Variants in EPB41L5 observed in about 807,000 individuals in gnomAD.
EPB41L5 encodes the protein erythrocyte membrane protein band 4.1 like 5.
Under a neutral mutation model 106.6 loss-of-function variants are expected in EPB41L5, and 55 were observed. The ratio of observed to expected loss-of-function variants is 0.52; its 90% CI spans 0.42 to 0.65. The LOEUF (loss-of-function observed/expected upper bound fraction) is 0.65, where lower values mean the gene tolerates loss of function less well. EPB41L5 is among the 30% of genes least tolerant of loss of function. The pLI, the probability that EPB41L5 is intolerant of heterozygous loss-of-function variation, is 0.00. For missense variants in EPB41L5, 871 were observed against 882.1 expected (o/e 0.99, Z 0.16); for synonymous variants, 297 against 306.7 (o/e 0.97, Z 0.33).
chr2:120,099,890 G>C (rs1684028217), intron 14 of EPB41L5, among the ~76,000 whole-genome samples: 2 of 152,224 alleles, frequency 1.3e-5, no homozygotes, highest in Admixed American at 1.3e-4. Flanking sequence ...TACAAAAGAA[G>C]TGACAGATAA....
chr2:120,103,036 T>A (rs1476425812), intron 16 of EPB41L5, among the ~76,000 whole-genome samples: 1 of 152,226 alleles, frequency 6.6e-6, no homozygotes, highest in Non-Finnish European at 1.5e-5. Context: ...GATTTTGTTA[T>A]TAAAAAAGCC....
chr2:120,125,839 A>G (rs537518808), intron 16 of EPB41L5, among the ~76,000 whole-genome samples: 2 of 152,254 alleles, frequency 1.3e-5, no homozygotes, highest in East Asian at 1.9e-4. Flanking sequence ...ACTTTGTCTC[A>G]GTAAGATGTT....
chr2:120,172,346 T>C (rs1310902769), intron 24 of EPB41L5, among the ~76,000 whole-genome samples: 1 of 152,190 alleles, frequency 6.6e-6, no homozygotes, highest in Non-Finnish European at 1.5e-5. Context: ...AGGAGCATCA[T>C]GAATCTTTAG....
chr2:120,159,434 A>AT (rs1687047241), intron 20 of EPB41L5, among the ~76,000 whole-genome samples: 1 of 150,874 alleles, frequency 6.6e-6, no homozygotes, highest in Admixed American at 6.6e-5. Context: ...AAAAAAAAAA[A>AT]AAAAAAAAAG....
intron 3 of EPB41L5, among the ~76,000 whole-genome samples, chr2:120,061,363 C>G (rs1332431211): frequency 2.5e-4 from 37 of 149,988 alleles, no homozygotes; most frequent in African/African-American, 8.8e-4. Context: ...GCTGGGACTA[C>G]AGGCGCCCGC....
intron 3 of EPB41L5, among the ~76,000 whole-genome samples, chr2:120,062,810 ATTTCTAGAGACTG>A (rs1360542155): frequency 2.0e-5 from 3 of 150,180 alleles, no homozygotes; most frequent in African/African-American, 7.3e-5. Context: ...AGGTCTAGTG[ATTTCTAGAGACTG>A]GATTTGAATT....
chr2:120,151,297 C>G (rs920364359), intron 20 of EPB41L5, among the ~76,000 whole-genome samples: 6 of 151,454 alleles, frequency 4.0e-5, no homozygotes, highest in African/African-American at 1.5e-4. Context: ...GAGACTCCAT[C>G]TCAAAAAATA....
chr2:120,079,438 CCCCTAGGCACT>C (rs561147672), intron 10 of EPB41L5, among the ~76,000 whole-genome samples: 183 of 152,264 alleles, frequency 1.2e-3, no homozygotes, highest in African/African-American at 4.2e-3. Flanking sequence ...TGAATGCCAT[CCCCTAGGCACT>C]TAAGCCCCCT....
Position 120,077,257 on chromosome 2 carries a change from A to G in EPB41L5, c.655A>G (p.Asn219Asp). 6.2e-7 allele frequency: 1 copy of G among 1,611,416 alleles called. No homozygotes were observed. The highest frequency in any genetic ancestry group is 8.5e-7 in the Non-Finnish European group (1 of 1,178,296). ...RGQTPAQAET[N>D]YLNKAKWLEM... ...TCAAACACCAGCACAGGCTGAAACC[A>G]ATTATCTGAATAAAGCCAAATGGCT... The change falls in exon 9 of 25, where the codon AAT becomes GAT. Residue 219 changes from asparagine to aspartate, a missense_variant. Coordinates refer to ENST00000263713, the MANE Select transcript of EPB41L5 (RefSeq NM_020909.4).
intron 10 of EPB41L5, among the ~76,000 whole-genome samples, chr2:120,078,861 C>T (rs1682434591): frequency 6.6e-6 from 1 of 152,082 alleles, no homozygotes; most frequent in Admixed American, 6.6e-5. Context: ...TTCACATGGG[C>T]ACTTTCTCCC....
In EPB41L5 at chr2:120,153,204, T is replaced by A. The variant is rs188792607; in HGVS notation, c.1793+6915T>A. Among the ~76,000 whole-genome samples the A allele has an allele frequency of 5.9e-5, 9 of 152,274 alleles. No homozygotes were observed. In the East Asian group the frequency reaches 1.7e-3, roughly 29 times the overall value. On this transcript the variant is annotated intron_variant, in intron 20 of 24. Transcript: ENST00000263713. The stretch of plus-strand genomic sequence containing the variant: ...AATATTTTGGTATTTTTTTCATTCA[T>A]CTCAAATTATTTTCTAATTTCCCTT...
intron 2 of EPB41L5, among the ~76,000 whole-genome samples, chr2:120,036,413 G>T (rs910034525): frequency 3.3e-5 from 5 of 152,164 alleles, no homozygotes; most frequent in African/African-American, 9.7e-5. Flanking sequence ...GCTAAATGTT[G>T]CTGATACAGA....
chr2:120,146,325 C>T (rs1686402794), intron 20 of EPB41L5, 36 bp downstream of exon 20: 4 of 1,457,742 alleles, frequency 2.7e-6, no homozygotes, highest in Non-Finnish European at 3.8e-6. Context: ...AATTGATGTT[C>T]TTATCTATCT....
chr2:120,025,689 G>T (rs901900794), intron 2 of EPB41L5, among the ~76,000 whole-genome samples: 1 of 152,154 alleles, frequency 6.6e-6, no homozygotes, highest in Admixed American at 6.6e-5. Flanking sequence ...GAAGACTTAA[G>T]GTTGGTAGGA....
intron 16 of EPB41L5, among the ~76,000 whole-genome samples, chr2:120,115,245 T>C (rs564027122): frequency 6.6e-6 from 1 of 152,366 alleles, no homozygotes; most frequent in South Asian, 2.1e-4. Context: ...GTTTAACATT[T>C]ACATTCAGTG....
intron 21 of EPB41L5, among the ~76,000 whole-genome samples, chr2:120,163,392 C>G (rs146762898): frequency 6.6e-6 from 1 of 151,872 alleles, no homozygotes; most frequent in African/African-American, 2.4e-5. Flanking sequence ...TTCTCCCAGA[C>G]CCCCTCCCTC....
chr2:120,148,005 G>A (rs1403415854), intron 20 of EPB41L5, among the ~76,000 whole-genome samples: 1 of 151,554 alleles, frequency 6.6e-6, no homozygotes, highest in Non-Finnish European at 1.5e-5. Context: ...CTGTTTTACT[G>A]TACCTCCTTT....
chr2:120,076,452 GC>G (rs1290610090), intron 7 of EPB41L5, among the ~76,000 whole-genome samples: 1 of 146,318 alleles, frequency 6.8e-6, no homozygotes, highest in African/African-American at 2.5e-5. Flanking sequence ...AGGCCATTAG[GC>G]CTGGCTAATT....
rs568046727 is a variant in EPB41L5, at chr2:120,108,216, A to G, written c.1337+7402A>G. 2.0e-5 allele frequency: 3 copies of G among 152,152 alleles called. No homozygotes were observed. The East Asian group carries it at 5.8e-4, about 29-fold the overall frequency. The allele number at this position is 152,152 out of a possible 1,614,324, so 9.4% of individuals were successfully genotyped here. A position where few individuals can be genotyped will look rare whatever the true frequency, so the allele number is the denominator to read the frequency against. On this transcript the variant is annotated intron_variant, in intron 16 of 24. Coordinates refer to ENST00000263713, the MANE Select transcript of EPB41L5 (RefSeq NM_020909.4). ...ATTTTGTTCCTGACAGCTGGCCAGC[A>G]TTGTGTTTATATTGGCATGGAAAAG... is the stretch of plus-strand genomic sequence containing the variant.
Sources: gnomAD v4.1 joint callset for allele counts (sites outside exome capture counted in the v4.1 genomes callset) on GRCh38, gnomAD v4.1.1 for gene constraint, MANE v1.5 for transcripts, NCBI Gene and HGNC (gene_info 2026-07-23, HGNC 2026-07-21) for gene names.